ABCC1: variants seen among roughly 807,000 people sequenced by gnomAD.
The protein encoded by ABCC1 is ATP binding cassette subfamily C member 1 (ABCC1 blood group).
A neutral mutation model predicts 172.9 loss-of-function variants in ABCC1; 83 were observed. That is an observed-to-expected ratio of 0.48 (90% CI 0.40 to 0.58). The LOEUF (loss-of-function observed/expected upper bound fraction) is 0.58, where lower values mean the gene tolerates loss of function less well. Among genes scored for constraint, ABCC1 ranks in the 20% least tolerant of loss-of-function variants. The pLI, the probability that ABCC1 is intolerant of heterozygous loss-of-function variation, is 0.00. For synonymous variants in ABCC1, 937 were observed against 825.2 expected (o/e 1.14, Z -2.32); for missense variants, 1,817 against 2,002.7 (o/e 0.91, Z 1.77).
chr16:16,087,789 C>T (rs554772653), intron 18 of ABCC1, among the ~76,000 whole-genome samples: 3 of 151,532 alleles, frequency 2.0e-5, no homozygotes, highest in Admixed American at 2.0e-4. Context: ...TAACACATCC[C>T]CATGGGGGGC....
At chr16:16,051,005 T>C (rs558186438) in intron 10 of ABCC1, among the ~76,000 whole-genome samples, 3 of 152,272 alleles carry the variant, frequency 2.0e-5, no homozygotes, top group African/African-American at 2.4e-5. Context: ...TTTTGGAACA[T>C]TTGTTCTAGA....
At chr16:16,102,971 G>A (rs28364008) in intron 20 of ABCC1, among the ~76,000 whole-genome samples, 6 of 152,256 alleles carry the variant, frequency 3.9e-5, no homozygotes, top group Admixed American at 6.5e-5. Flanking sequence ...TCTGACACTC[G>A]GGCTCCCTAC....
intron 19 of ABCC1, among the ~76,000 whole-genome samples, chr16:16,097,090 A>G (rs1279879143): frequency 6.6e-6 from 1 of 151,588 alleles, no homozygotes; most frequent in Non-Finnish European, 1.5e-5. Flanking sequence ...GGAATTTAAG[A>G]TCTGAGGGTT....
At chr16:16,037,485 GAA>G (rs1177681883) in intron 7 of ABCC1, among the ~76,000 whole-genome samples, 1 of 140,162 alleles carries the variant, frequency 7.1e-6, no homozygotes, top group Admixed American at 8.1e-5. Context: ...GTAACAGTAA[GAA>G]AGAAAAGCAG....
intron 5 of ABCC1, among the ~76,000 whole-genome samples, chr16:16,018,651 G>A (rs2048088169): frequency 6.6e-6 from 1 of 152,016 alleles, no homozygotes; most frequent in Non-Finnish European, 1.5e-5. Flanking sequence ...ATGAGCAAGT[G>A]CACACATCTG....
chr16:15,951,781 C>A, intron 1 of ABCC1, among the ~76,000 whole-genome samples: 1 of 152,088 alleles, frequency 6.6e-6, no homozygotes, highest in Admixed American at 6.5e-5. Context: ...TCTCTGCCTC[C>A]CCGGCTCAAG....
intron 23 of ABCC1, among the ~76,000 whole-genome samples, chr16:16,119,299 G>A (rs2045047610): frequency 1.3e-5 from 2 of 152,138 alleles, no homozygotes; most frequent in Admixed American, 6.5e-5. Flanking sequence ...AAATTAGCTG[G>A]GTGTGGTGGC....
chr16:16,056,046 G>C, intron 11 of ABCC1, 46 bp from the exon 12 acceptor site: 1 of 1,559,758 alleles, frequency 6.4e-7, no homozygotes, highest in Non-Finnish European at 8.8e-7. Flanking sequence ...GTGATGGGCT[G>C]ATCCCAGGGT....
intron 12 of ABCC1, among the ~76,000 whole-genome samples, chr16:16,061,680 T>C (rs1261684309): frequency 2.0e-5 from 3 of 152,212 alleles, no homozygotes; most frequent in Admixed American, 6.5e-5. Flanking sequence ...CATGTAGTTA[T>C]GGTTACTTGA....
At chr16:16,023,941 G>A (rs1050476238) in intron 5 of ABCC1, among the ~76,000 whole-genome samples, 1 of 152,172 alleles carries the variant, frequency 6.6e-6, no homozygotes, top group African/African-American at 2.4e-5. Context: ...TGGCTAGGCT[G>A]GGTGCAGTGG....
intron 20 of ABCC1, among the ~76,000 whole-genome samples, chr16:16,105,163 G>A (rs556589441): frequency 3.7e-4 from 56 of 152,350 alleles, no homozygotes; most frequent in Admixed American, 7.8e-4. Flanking sequence ...CGAGGGCTGC[G>A]AGGGCTGCCA....
At chr16:15,999,836 C>CTCTT (rs375541317) in intron 1 of ABCC1, among the ~76,000 whole-genome samples, 2,454 of 16,836 alleles carry the variant, frequency 0.15, 461 homozygotes, top group Middle Eastern at 0.24. Flanking sequence ...CTCTCTCTGT[C>CTCTT]TCTTTCTTTC....
At chr16:16,106,999 T>TA in intron 21 of ABCC1, 126 bp downstream of exon 21, 1 of 1,343,708 alleles carries the variant, frequency 7.4e-7, no homozygotes. Context: ...CCTGTGAAGA[T>TA]ACTATTTGCA....
intron 20 of ABCC1, among the ~76,000 whole-genome samples, chr16:16,105,987 C>T (rs1466576178): frequency 6.6e-6 from 1 of 151,474 alleles, no homozygotes; most frequent in African/African-American, 2.4e-5. Flanking sequence ...AGCGATTCTC[C>T]TGCCTCAACC....
chr16:16,015,328 C>T (rs970985537), intron 4 of ABCC1, among the ~76,000 whole-genome samples: 10 of 152,106 alleles, frequency 6.6e-5, no homozygotes, highest in African/African-American at 2.2e-4. Flanking sequence ...TTAGTAGAGA[C>T]GGGGTTTCAC....
chr16:16,031,615 C>CT (rs2048560229), intron 5 of ABCC1, among the ~76,000 whole-genome samples: 1 of 152,110 alleles, frequency 6.6e-6, no homozygotes, highest in South Asian at 2.1e-4. Flanking sequence ...GTCTACCATG[C>CT]TTTCTTCTAC....
At chr16:15,966,691 C>T (rs2046251769) in intron 1 of ABCC1, among the ~76,000 whole-genome samples, 1 of 149,574 alleles carries the variant, frequency 6.7e-6, no homozygotes, top group South Asian at 2.1e-4. Context: ...CACTCTGTTG[C>T]CCAGGCTGGA....
At position 16,138,231 on chromosome 16, in the gene ABCC1, G is replaced by C. The variant is rs376906024; in HGVS notation, c.4293-133G>C. ...AGTGATGTCTGCTGCAGACACAGAT[G>C]TTGGGAGTGGACATGCTTTCCTGGT... is the stretch of plus-strand genomic sequence containing the variant. On this transcript the variant is annotated intron_variant, in intron 29 of 30. Transcript: ENST00000399410. The C allele has an allele frequency of 1.1e-5, 8 of 696,862 alleles. No homozygotes were observed. The African/African-American group carries it at 1.2e-4, about 11-fold the overall frequency. 43.2% of individuals were successfully genotyped at this position (696,862 alleles called of 1,614,324 possible).
At chr16:16,139,287 G>A (rs974288599) in intron 30 of ABCC1, among the ~76,000 whole-genome samples, 3 of 150,798 alleles carry the variant, frequency 2.0e-5, no homozygotes, top group Non-Finnish European at 3.0e-5. Context: ...CCAGTGCGTG[G>A]GGCCCACAAA....
Sources: allele counts gnomAD v4.1 joint callset (sites outside exome capture counted in the v4.1 genomes callset), GRCh38; gene constraint gnomAD v4.1.1; transcripts MANE v1.5; gene names NCBI Gene and HGNC (gene_info 2026-07-23, HGNC 2026-07-21).